The following MIR17HG variants were observed in gnomAD, a reference collection of about 807,000 sequenced individuals.
MIR17HG encodes MIR17 host gene (non-protein coding).
At chr13:91,348,289 C>T (rs1566341874) in intron 1 of MIR17HG, among the ~76,000 whole-genome samples, 1 of 150,598 alleles carries the variant, frequency 6.6e-6, no homozygotes, top group Non-Finnish European at 1.5e-5. Flanking sequence ...ACACAATGGC[C>T]CCTCGGGGAG....
At chr13:91,351,495 CTT>C in intron 3 of MIR17HG, 1 of 399,916 alleles carries the variant, frequency 2.5e-6, no homozygotes, top group East Asian at 6.9e-5. Flanking sequence ...AAATGTGTAA[CTT>C]TTTGTGTAAA....
intron 1 of MIR17HG, among the ~76,000 whole-genome samples, chr13:91,348,662 G>A (rs1383148515): frequency 2.7e-5 from 4 of 150,828 alleles, no homozygotes; most frequent in Non-Finnish European, 5.9e-5. Flanking sequence ...GTGGCCCTCG[G>A]AGGAGGCCGC....
At chr13:91,353,489 TGA>T (rs1466060206) in intron 3 of MIR17HG, among the ~76,000 whole-genome samples, 2 of 152,224 alleles carry the variant, frequency 1.3e-5, no homozygotes, top group Non-Finnish European at 2.9e-5. Context: ...CTTTAGAATG[TGA>T]GGCAAATTTT....
intron 3 of MIR17HG, among the ~76,000 whole-genome samples, chr13:91,353,748 C>G (rs1875439005): frequency 6.7e-6 from 1 of 148,970 alleles, no homozygotes; most frequent in South Asian, 2.1e-4. Context: ...AATAAATAGC[C>G]TTAACTATTT....
intron 2 of MIR17HG, chr13:91,350,053 C>T (rs911229243): frequency 6.5e-6 from 1 of 154,128 alleles, no homozygotes; most frequent in African/African-American, 2.4e-5. Context: ...GTAGATATAA[C>T]CTGAGATGAT....
At chr13:91,350,267 G>C (rs954710568) in intron 3 of MIR17HG, 1 of 198,282 alleles carries the variant, frequency 5.0e-6, no homozygotes, top group African/African-American at 2.3e-5. Flanking sequence ...TCCAAAATTA[G>C]TTCTCATTTA....
At chr13:91,349,682 T>G (rs1214999578) in intron 1 of MIR17HG, 1 of 152,316 alleles carries the variant, frequency 6.6e-6, no homozygotes, top group African/African-American at 2.4e-5. Context: ...TTTTTCCTTA[T>G]TTTTCCCTAT....
intron 1 of MIR17HG, among the ~76,000 whole-genome samples, chr13:91,348,171 A>AGGGCC (rs1258314081): frequency 6.7e-4 from 6 of 8,968 alleles, no homozygotes; most frequent in African/African-American, 2.9e-3. Flanking sequence ...GGAGGGGGGC[A>AGGGCC]GGGCCGGGGC....
intron 3 of MIR17HG, chr13:91,351,518 C>T: frequency 2.7e-6 from 1 of 366,998 alleles, no homozygotes; most frequent in Non-Finnish European, 5.8e-6. Context: ...TACATCTTGT[C>T]TTGTTTTCAT....
At chr13:91,348,425 C>A (rs901145587) in intron 1 of MIR17HG, among the ~76,000 whole-genome samples, 26 of 150,748 alleles carry the variant, frequency 1.7e-4, no homozygotes, top group Non-Finnish European at 2.7e-4. Context: ...GCGGCGGCGG[C>A]GGCACATGGG....
At chr13:91,349,347 G>T (rs1486810629) in intron 1 of MIR17HG, among the ~76,000 whole-genome samples, 1 of 152,098 alleles carries the variant, frequency 6.6e-6, no homozygotes, top group South Asian at 2.1e-4. Context: ...GGTCTTGATT[G>T]GGGGAGGGGT....
intron 1 of MIR17HG, among the ~76,000 whole-genome samples, chr13:91,348,582 AC>A (rs1306831597): frequency 6.6e-6 from 1 of 150,558 alleles, no homozygotes; most frequent in Non-Finnish European, 1.5e-5. Context: ...CCTGGGCGCC[AC>A]CCCCGCTCCG....
At chr13:91,353,582 C>T (rs935395411) in intron 3 of MIR17HG, among the ~76,000 whole-genome samples, 1 of 152,142 alleles carries the variant, frequency 6.6e-6, no homozygotes, top group East Asian at 1.9e-4. Flanking sequence ...TAAAAAGATT[C>T]ACATTGTTAA....
intron 3 of MIR17HG, chr13:91,351,763 C>T (rs1875325809): frequency 5.3e-6 from 1 of 188,312 alleles, no homozygotes; most frequent in Admixed American, 5.2e-5. Flanking sequence ...ATATATTACT[C>T]AAGTATTTAA....
intron 1 of MIR17HG, among the ~76,000 whole-genome samples, chr13:91,348,568 G>A (rs1875089222): frequency 1.3e-5 from 2 of 151,146 alleles, no homozygotes; most frequent in Middle Eastern, 3.2e-3. Context: ...CGAGATCGGC[G>A]CGGCCTGGGC....
intron 3 of MIR17HG, chr13:91,352,471 T>C (rs2138694628): frequency 6.6e-6 from 1 of 152,346 alleles, no homozygotes; most frequent in East Asian, 1.9e-4. Flanking sequence ...GAGGCTATCT[T>C]AGTAATAAGA....
intron 2 of MIR17HG, chr13:91,349,974 A>G (rs759741966): frequency 6.6e-6 from 1 of 152,384 alleles, no homozygotes. Flanking sequence ...ATTCCTGTAC[A>G]TTTTTGGAAA....
chr13:91,350,149 C>T (rs1259620062), intron 2 of MIR17HG: 1 of 172,342 alleles, frequency 5.8e-6, no homozygotes, highest in Non-Finnish European at 1.3e-5. Flanking sequence ...TTAATCATTT[C>T]AACAAGTATT....
intron 3 of MIR17HG, among the ~76,000 whole-genome samples, chr13:91,353,382 A>T (rs951131235): frequency 6.6e-6 from 1 of 152,214 alleles, no homozygotes; most frequent in Middle Eastern, 3.2e-3. Context: ...TTTAAATCTA[A>T]TAAACAAGTT....
Sources: allele counts gnomAD v4.1 joint callset (sites outside exome capture counted in the v4.1 genomes callset), GRCh38; gene constraint gnomAD v4.1.1; transcripts MANE v1.5; gene names NCBI Gene and HGNC (gene_info 2026-07-23, HGNC 2026-07-21).